NAV2: variants seen among roughly 807,000 people sequenced by gnomAD.
NAV2 encodes the protein neuron navigator 2.
Under a neutral mutation model 223.2 loss-of-function variants are expected in NAV2, and 54 were observed. The observed-to-expected ratio is 0.24, with a 90% CI of 0.19 to 0.30. The LOEUF (loss-of-function observed/expected upper bound fraction) is 0.30, where lower values mean the gene tolerates loss of function less well. Ranked by LOEUF, NAV2 falls within the 10% of genes least tolerant of loss-of-function variation. The pLI, the probability that NAV2 is intolerant of heterozygous loss-of-function variation, is 1.00. For synonymous variants in NAV2, 1,279 were observed against 1,239.3 expected, an observed-to-expected ratio of 1.03 and a Z score of -0.67; for missense variants, 2,806 against 3,147.5, an observed-to-expected ratio of 0.89 and a Z score of 2.60.
At chr11:19,815,424 T>C (rs537597503) in intron 1 of NAV2, among the ~76,000 whole-genome samples, 2 of 152,332 alleles carry the variant, frequency 1.3e-5, no homozygotes, top group African/African-American at 2.4e-5. Flanking sequence ...TCTTTTGAGA[T>C]AGAATGTTAA....
At chr11:19,836,218 G>T (rs1463121572) in intron 2 of NAV2, among the ~76,000 whole-genome samples, 1 of 152,096 alleles carries the variant, frequency 6.6e-6, no homozygotes, top group Non-Finnish European at 1.5e-5. Flanking sequence ...ACTTTCTAGG[G>T]ATCTACCACA....
intron 7 of NAV2, among the ~76,000 whole-genome samples, chr11:19,939,182 C>T (rs1428432956): frequency 6.6e-6 from 1 of 152,136 alleles, no homozygotes; most frequent in African/African-American, 2.4e-5. Context: ...CTGCTTGGCA[C>T]CCACTTCCGA....
intron 11 of NAV2, among the ~76,000 whole-genome samples, chr11:19,990,200 G>A (rs985059813): frequency 6.6e-6 from 1 of 152,088 alleles, no homozygotes; most frequent in Non-Finnish European, 1.5e-5. Flanking sequence ...TGCCTCCTTG[G>A]CCTTCTTGCA....
intron 22 of NAV2, among the ~76,000 whole-genome samples, chr11:20,070,156 A>G (rs555011352): frequency 2.6e-5 from 4 of 152,332 alleles, no homozygotes; most frequent in Non-Finnish European, 5.9e-5. Flanking sequence ...TCAGAAAAAC[A>G]GTATTCTATA....
intron 1 of NAV2, among the ~76,000 whole-genome samples, chr11:19,790,315 A>G (rs2057430745): frequency 6.6e-6 from 1 of 152,200 alleles, no homozygotes; most frequent in African/African-American, 2.4e-5. Context: ...CAATCCTTTT[A>G]TACTCGGGCC....
intron 10 of NAV2, among the ~76,000 whole-genome samples, chr11:19,956,314 G>A (rs367565286): frequency 6.6e-6 from 1 of 151,668 alleles, no homozygotes; most frequent in Non-Finnish European, 1.5e-5. Context: ...TAGCCTAGAC[G>A]CCACAGGTTA....
At chr11:19,656,575 A>G (rs2048132240) in intron 1 of NAV2, among the ~76,000 whole-genome samples, 1 of 152,208 alleles carries the variant, frequency 6.6e-6, no homozygotes, top group South Asian at 2.1e-4. Context: ...GAAGGCATTT[A>G]TGTTTTAATC....
At chr11:19,990,346 G>A (rs938904436) in intron 11 of NAV2, among the ~76,000 whole-genome samples, 7 of 152,106 alleles carry the variant, frequency 4.6e-5, no homozygotes, top group Admixed American at 3.9e-4. Flanking sequence ...GAATTCCAAG[G>A]CCACCAGATC....
chr11:19,941,109 A>G (rs1233554041), intron 8 of NAV2, among the ~76,000 whole-genome samples: 1 of 152,182 alleles, frequency 6.6e-6, no homozygotes, highest in Non-Finnish European at 1.5e-5. Flanking sequence ...AGCAAAATCC[A>G]CATTTGAAAA....
rs2053031736 is a variant in NAV2, at chr11:19,743,415, A to T, written c.267+29453A>T. On this transcript the variant is annotated intron_variant, in intron 1 of 37. Coordinates refer to ENST00000349880, the MANE Select transcript of NAV2 (RefSeq NM_145117.5). ...CTCTTTGCTGGCCCAGGATATCTCC[A>T]GGGTGGGTGAAGCACTGGGGTCTTC... Among the ~76,000 whole-genome samples, 3 of 152,336 alleles carry T rather than the reference A, an allele frequency of 2.0e-5. No individual in the cohort carries two copies. In the South Asian group the frequency reaches 6.2e-4, roughly 32 times the overall value.
chr11:19,510,898 G>A (rs2043259202), intron 1 of NAV2: 1 of 152,218 alleles, frequency 6.6e-6, no homozygotes, highest in African/African-American at 2.4e-5. Context: ...TTAGGGTTAT[G>A]AGGTTTTCAC....
At chr11:19,901,867 T>G (rs187507862) in intron 6 of NAV2, among the ~76,000 whole-genome samples, 118 of 152,350 alleles carry the variant, frequency 7.7e-4, no homozygotes, top group Non-Finnish European at 1.5e-3. Context: ...CTGTCTTGTT[T>G]CTGCTAAGCT....
rs138954015 is a variant in NAV2, at chr11:19,967,727, T to A, written c.2646-16398T>A. ...TCTGGAAAACTCTGTATCCCAGATA[T>A]TACAGAAGGGGTTCCTGCATGAGGT... On this transcript the variant is annotated intron_variant, in intron 10 of 37. Transcript: ENST00000349880. Among the ~76,000 whole-genome samples the A allele has an allele frequency of 1.2e-3, 179 of 152,328 alleles. 1 individual carries two copies. The highest frequency in any genetic ancestry group is 3.9e-3 in the African/African-American group (163 of 41,574).
At chr11:19,784,766 CT>C (rs1467720102) in intron 1 of NAV2, among the ~76,000 whole-genome samples, 1 of 152,090 alleles carries the variant, frequency 6.6e-6, no homozygotes, top group Non-Finnish European at 1.5e-5. Context: ...CTCTTTGTAC[CT>C]CAGTTTCCTC....
chr11:19,402,733 G>A (rs572056342), intron 1 of NAV2, among the ~76,000 whole-genome samples: 3 of 152,172 alleles, frequency 2.0e-5, no homozygotes, highest in Admixed American at 6.5e-5. Context: ...ATACTCTTGT[G>A]ATTAAGTAGC....
chr11:20,102,271 C>A (rs966742789), intron 32 of NAV2, among the ~76,000 whole-genome samples: 6 of 152,106 alleles, frequency 3.9e-5, no homozygotes, highest in Non-Finnish European at 7.4e-5. Flanking sequence ...GCTAACAAGA[C>A]ATATTTTGAC....
chr11:20,088,854 C>G (rs1052448532), intron 26 of NAV2, among the ~76,000 whole-genome samples: 2 of 152,086 alleles, frequency 1.3e-5, no homozygotes, highest in South Asian at 2.1e-4. Flanking sequence ...GAATCTGAGC[C>G]TTCAAGATTC....
intron 12 of NAV2, among the ~76,000 whole-genome samples, chr11:20,038,380 TAAAAA>T (rs767751705): frequency 6.6e-6 from 1 of 151,014 alleles, no homozygotes; most frequent in African/African-American, 2.4e-5. Flanking sequence ...AAATGAAAAC[TAAAAA>T]AAAAGTAGGT....
chr11:19,924,222 G>C (rs1393000911), intron 6 of NAV2, among the ~76,000 whole-genome samples: 2 of 150,936 alleles, frequency 1.3e-5, no homozygotes, highest in African/African-American at 4.9e-5. Flanking sequence ...CATTACGTGG[G>C]ATTTAAGAAC....
Sources: allele counts gnomAD v4.1 joint callset (sites outside exome capture counted in the v4.1 genomes callset), GRCh38; gene constraint gnomAD v4.1.1; transcripts MANE v1.5; gene names NCBI Gene and HGNC (gene_info 2026-07-23, HGNC 2026-07-21).